The following PRR14L variants were observed in gnomAD, a reference collection of about 807,000 sequenced individuals.
PRR14L encodes the protein proline rich 14 like.
PRR14L carries 80 observed loss-of-function variants against 155.0 expected under a neutral mutation model. That is an observed-to-expected ratio of 0.52 (90% CI 0.43 to 0.62). The LOEUF is 0.62. Ranked by LOEUF, PRR14L falls within the 20% of genes least tolerant of loss-of-function variation. The pLI, the probability that PRR14L is intolerant of heterozygous loss-of-function variation, is 0.00. For synonymous variants in PRR14L, 883 were observed against 916.0 expected, an observed-to-expected ratio of 0.96 and a Z score of 0.65; for missense variants, 2,469 against 2,548.0, an observed-to-expected ratio of 0.97 and a Z score of 0.67.
At chr22:31,729,009 C>A (rs1407461717) in intron 2 of PRR14L, among the ~76,000 whole-genome samples, 1 of 152,194 alleles carries the variant, frequency 6.6e-6, no homozygotes, top group Non-Finnish European at 1.5e-5. Context: ...TAAGACCAAT[C>A]TATTCCACAT....
chr22:31,748,465 G>C (rs1181283887), intron 1 of PRR14L, among the ~76,000 whole-genome samples: 1 of 152,070 alleles, frequency 6.6e-6, no homozygotes, highest in Non-Finnish European at 1.5e-5. Context: ...AAATGCTCCT[G>C]ATTTCTACTG....
At position 31,714,833 on chromosome 22, in the gene PRR14L, G is replaced by A. The variant is rs745626434; in HGVS notation, c.3006C>T (p.Thr1002=). The change falls in exon 4 of 9, where the codon ACC becomes ACT. Residue 1002 remains threonine (T), a synonymous_variant. Coordinates refer to ENST00000327423, the MANE Select transcript of PRR14L (RefSeq NM_173566.3). ...TGTGGTTTACCTCCCCGTGAGGCTCGGTGACAGTCTCTCTCTGGTCACTAC... is the reference window on the plus strand; with the variant it reads ...TGTGGTTTACCTCCCCGTGAGGCTCAGTGACAGTCTCTCTCTGGTCACTAC... ...MLSSDQRETV[T]EPHGEVNHNQ... is the part of the protein sequence containing the mutation. The A allele has an allele frequency of 1.9e-5, 30 of 1,551,828 alleles. No individual in the cohort carries two copies. Among genetic ancestry groups the A allele is most frequent in the South Asian group, 1.2e-4 (10 of 84,054 alleles).
intron 4 of PRR14L, among the ~76,000 whole-genome samples, chr22:31,707,438 T>G (rs1048392936): frequency 6.6e-6 from 1 of 152,164 alleles, no homozygotes; most frequent in South Asian, 2.1e-4. Flanking sequence ...TGGAGTGCAG[T>G]GGCGTGATCT....
chr22:31,749,739 G>T (rs1200944142), intron 1 of PRR14L, among the ~76,000 whole-genome samples: 1 of 152,212 alleles, frequency 6.6e-6, no homozygotes, highest in Non-Finnish European at 1.5e-5. Context: ...TTGTATCGAG[G>T]TTGAAGAGGA....
intron 1 of PRR14L, among the ~76,000 whole-genome samples, chr22:31,748,171 G>A (rs950526542): frequency 6.6e-6 from 1 of 152,202 alleles, no homozygotes; most frequent in Non-Finnish European, 1.5e-5. Flanking sequence ...TTCACCTTGA[G>A]AAAGGGGCTT....
intron 1 of PRR14L, among the ~76,000 whole-genome samples, chr22:31,745,861 A>AATAT (rs1398926635): frequency 4.7e-4 from 62 of 132,336 alleles, no homozygotes; most frequent in African/African-American, 1.4e-3. Flanking sequence ...AAAAAAAAAA[A>AATAT]ATATATATAT....
At chr22:31,727,234 CT>C (rs397831840) in intron 2 of PRR14L, among the ~76,000 whole-genome samples, 337 of 136,604 alleles carry the variant, frequency 2.5e-3, no homozygotes, top group Middle Eastern at 7.6e-3. Flanking sequence ...AGCCACAATT[CT>C]TTTTTTTTTT....
At chr22:31,724,201 C>T (rs2074705377) in intron 3 of PRR14L, among the ~76,000 whole-genome samples, 1 of 152,158 alleles carries the variant, frequency 6.6e-6, no homozygotes, top group Non-Finnish European at 1.5e-5. Flanking sequence ...ACTGATTCTA[C>T]ATTATGGGAA....
chr22:31,712,509 G>T lies in PRR14L; in HGVS notation c.5330C>A (p.Thr1777Lys). Residue 1777 changes from threonine to lysine, a missense_variant, in exon 4 of 9, where the codon ACA becomes AAA. Around this residue, in one of 2 missense-constraint regions of PRR14L, gnomAD observed 2,363 missense variants for 2,371.6 expected, o/e 1.00. Coordinates refer to ENST00000327423, the MANE Select transcript of PRR14L (RefSeq NM_173566.3). ...FLSHGCPGMA[T>K]FREDTGVHSQ... ...ATGGACGCCAGTGTCTTCCCTGAAT[G>T]TTGCCATCCCAGGGCAACCGTGGGA... 1 of 1,551,956 alleles carries T rather than the reference G, an allele frequency of 6.4e-7. No individual in the cohort carries two copies. The highest frequency in any genetic ancestry group is 1.2e-5 in the South Asian group (1 of 84,134).
intron 4 of PRR14L, 52 bp downstream of exon 4, chr22:31,712,029 CAG>C (rs2074625741): frequency 1.3e-6 from 2 of 1,506,754 alleles, no homozygotes; most frequent in Non-Finnish European, 1.8e-6. Flanking sequence ...CTCATCTCCC[CAG>C]AGACAGGAAG....
chr22:31,690,373 T>TG (rs1267493447), intron 7 of PRR14L, among the ~76,000 whole-genome samples: 1 of 151,724 alleles, frequency 6.6e-6, no homozygotes, highest in Non-Finnish European at 1.5e-5. Context: ...TTCGTACAGG[T>TG]GGGGTTTCAC....
Position 31,713,981 on chromosome 22 carries a change from T to C in PRR14L, c.3858A>G (p.Ile1286Met). ...TAGAATTACTCCAATCTCTTGATAC[T>C]ATTTCCTTCATCTCAGGAAGGACTG... ...DCTVLPEMKE[I>M]VSRDWSNSSD... Residue 1286 changes from isoleucine (I) to methionine (M), a missense_variant, in exon 4 of 9, where the codon ATA (isoleucine) becomes ATG (methionine). Ile to Met is a conservative substitution (Grantham distance 10, BLOSUM62 1). This residue lies in a region of PRR14L where 2,363 missense variants were observed against 2,371.6 expected (regional missense o/e 1.00). Transcript: ENST00000327423. The C allele has an allele frequency of 4.5e-6, 7 of 1,551,650 alleles. No individual in the cohort carries two copies. The highest frequency in any genetic ancestry group is 6.1e-6 in the Non-Finnish European group (7 of 1,146,868).
intron 2 of PRR14L, among the ~76,000 whole-genome samples, chr22:31,737,471 ACT>A (rs1437948694): frequency 1.3e-5 from 2 of 150,194 alleles, no homozygotes; most frequent in African/African-American, 4.9e-5. Context: ...ACAGAGCAAG[ACT>A]CTGTCTCAAA....
intron 3 of PRR14L, among the ~76,000 whole-genome samples, chr22:31,718,548 C>T (rs1271527385): frequency 6.8e-6 from 1 of 147,982 alleles, no homozygotes; most frequent in East Asian, 2.0e-4. Flanking sequence ...GCCACCACGC[C>T]CGGCCTGCCC....
At chr22:31,696,081 G>A (rs567564845) in intron 7 of PRR14L, among the ~76,000 whole-genome samples, 1 of 152,052 alleles carries the variant, frequency 6.6e-6, no homozygotes, top group Admixed American at 6.6e-5. Context: ...CAGAGTACAC[G>A]AGAACCCGGC....
intron 1 of PRR14L, among the ~76,000 whole-genome samples, chr22:31,742,991 G>A (rs914279492): frequency 6.6e-6 from 1 of 152,190 alleles, no homozygotes; most frequent in Admixed American, 6.5e-5. Flanking sequence ...AAGATCCCCT[G>A]TATAGGAATG....
rs562341236 is a variant in PRR14L at position 31,720,597 on chromosome 22, C to T, written c.548-3306G>A. Among the ~76,000 whole-genome samples, 5 of 152,102 alleles carry T rather than the reference C, an allele frequency of 3.3e-5. No homozygotes were observed. In the East Asian group the frequency reaches 7.7e-4, roughly 24 times the overall value. On this transcript the variant is annotated intron_variant, in intron 3 of 8. Transcript: ENST00000327423. ...AAAATACAAAAAAATCAGCCGTGCA[C>T]GGTGGCAGGCACCTGTAATCCCAGC...
rs759296290 is a variant in PRR14L, at chr22:31,712,238, G to A, written c.5601C>T (p.Ala1867=). The change falls in exon 4 of 9, where the codon GCC becomes GCT. Residue 1867 remains alanine, a synonymous_variant. Transcript: ENST00000327423. ...AACAGAAGACCTTGTCTGCTATGGA[G>A]GCTGGAGACCGTAACCCTTTCAGGC... ...TQGLKGLRSP[A]SIADKVFCSL... is the part of the protein sequence containing the mutation. 30 of 1,614,078 alleles carry A rather than the reference G, an allele frequency of 1.9e-5. No individual in the cohort carries two copies. Among genetic ancestry groups the A allele is most frequent in the Non-Finnish European group, 1.7e-6 (2 of 1,180,042 alleles).
rs1449998707 is a variant in PRR14L, at chr22:31,712,629, G to A, written c.5210C>T (p.Thr1737Ile). 6.4e-7 allele frequency: 1 copy of A among 1,551,642 alleles called. No individual in the cohort carries two copies. Among genetic ancestry groups the A allele is most frequent in the African/African-American group, 1.4e-5 (1 of 73,074 alleles). ...SSDCTTESSR[T>I]FPEHCAPARL... Reference sequence around the variant, plus strand: ...TGCCGGAGCACAGTGCTCAGGAAAAGTCCTTGAGGACTCAGTCGTGCAATC... The same window carrying A: ...TGCCGGAGCACAGTGCTCAGGAAAAATCCTTGAGGACTCAGTCGTGCAATC... The change falls in exon 4 of 9, where the codon ACT becomes ATT. Residue 1737 changes from threonine (T) to isoleucine (I), a missense_variant. Around this residue, in one of 2 missense-constraint regions of PRR14L, gnomAD observed 2,363 missense variants for 2,371.6 expected, o/e 1.00. Coordinates refer to ENST00000327423, the MANE Select transcript of PRR14L (RefSeq NM_173566.3).
Sources: gnomAD v4.1 joint callset for allele counts (sites outside exome capture counted in the v4.1 genomes callset) on GRCh38, gnomAD v4.1.1 for gene constraint, gnomAD v4.1.1 regional missense constraint, MANE v1.5 for transcripts, NCBI Gene and HGNC (gene_info 2026-07-23, HGNC 2026-07-21) for gene names.